AIM2: variants seen among roughly 807,000 people sequenced by gnomAD.
AIM2 encodes the protein absent in melanoma 2, also known as interferon-inducible protein AIM2.
Under a neutral mutation model 27.7 loss-of-function variants are expected in AIM2, and 30 were observed. The ratio of observed to expected loss-of-function variants is 1.08; its 90% CI spans 0.81 to 1.47. The LOEUF is 1.47. AIM2 is among the 40% of genes most tolerant of loss of function. The probability of loss-of-function intolerance (pLI) is 0.00; values close to 1 mark genes in which losing one functional copy is unlikely to be tolerated. For missense variants in AIM2, 358 were observed against 411.3 expected, an observed-to-expected ratio of 0.87 and a Z score of 1.12; for synonymous variants, 141 against 145.3, an observed-to-expected ratio of 0.97 and a Z score of 0.21.
At chr1:159,124,681 C>A (rs537839437) in intron 1 of AIM2, among the ~76,000 whole-genome samples, 1 of 152,224 alleles carries the variant, frequency 6.6e-6, no homozygotes, top group South Asian at 2.1e-4. Context: ...TTGAGAGTAA[C>A]GTATTTTTGT....
At chr1:159,089,181 T>C (rs1656990610) in intron 1 of AIM2, among the ~76,000 whole-genome samples, 1 of 152,236 alleles carries the variant, frequency 6.6e-6, no homozygotes, top group South Asian at 2.1e-4. Flanking sequence ...CTGACCTAGG[T>C]GCTTATAAGC....
At chr1:159,057,417 C>T in the AIM2 span, among the ~76,000 whole-genome samples, 4 of 152,204 alleles carry the variant, frequency 2.6e-5, no homozygotes, top group African/African-American at 9.7e-5. Flanking sequence ...CTGGTGGCTA[C>T]AGTTAATGCT....
At chr1:159,059,228 T>A (rs1290285152), downstream of AIM2, among the ~76,000 whole-genome samples, 1 of 152,176 alleles carries the variant, frequency 6.6e-6, no homozygotes, top group Non-Finnish European at 1.5e-5. Context: ...TTTTTATATT[T>A]TTTTGCCCAA....
At chr1:159,124,945 T>G (rs552238560) in intron 1 of AIM2, among the ~76,000 whole-genome samples, 1 of 152,354 alleles carries the variant, frequency 6.6e-6, no homozygotes, top group South Asian at 2.1e-4. Context: ...TTTATTATTT[T>G]TCCCACCTTC....
At chr1:159,084,790 C>CACACACACAG (rs1273511238) in intron 1 of AIM2, among the ~76,000 whole-genome samples, 1 of 148,984 alleles carries the variant, frequency 6.7e-6, no homozygotes, top group Non-Finnish European at 1.5e-5. Flanking sequence ...CACACACACA[C>CACACACACAG]ACACACACAC....
chr1:159,144,813 A>G (rs1238261721), upstream of AIM2, among the ~76,000 whole-genome samples: 1 of 152,158 alleles, frequency 6.6e-6, no homozygotes, highest in Non-Finnish European at 1.5e-5. Context: ...CTTTGGTCCA[A>G]TTAAATCCTA....
chr1:159,104,697 CTTT>C (rs1318135644), intron 1 of AIM2, among the ~76,000 whole-genome samples: 1 of 152,138 alleles, frequency 6.6e-6, no homozygotes, highest in African/African-American at 2.4e-5. Flanking sequence ...TCGTTCGTCT[CTTT>C]TTACTTTTTT....
intron 1 of AIM2, among the ~76,000 whole-genome samples, chr1:159,137,860 C>T (rs569130016): frequency 1.2e-3 from 176 of 152,242 alleles, no homozygotes; most frequent in Non-Finnish European, 2.2e-3. Context: ...AAAACCAGGA[C>T]GCTGCTGGTG....
chr1:159,100,500 G>A (rs1301466825), intron 1 of AIM2, among the ~76,000 whole-genome samples: 1 of 152,152 alleles, frequency 6.6e-6, no homozygotes, highest in Non-Finnish European at 1.5e-5. Context: ...GTCAGTTGGA[G>A]AGAAATGATG....
the AIM2 span, among the ~76,000 whole-genome samples, chr1:159,055,586 G>A: frequency 3.3e-5 from 5 of 152,204 alleles, no homozygotes; most frequent in Non-Finnish European, 7.3e-5. Flanking sequence ...TCAAAACACC[G>A]ACTGCTCTTC....
In AIM2 at chr1:159,065,950, G is replaced by T. The variant is rs537140135; in HGVS notation, c.776C>A (p.Pro259His). The change falls in exon 4 of 6, where the codon CCC becomes CAC. Residue 259 changes from proline to histidine, a missense_variant. Coordinates refer to ENST00000368130, the MANE Select transcript of AIM2 (RefSeq NM_004833.3). ...TPKINTLQTQ[P>H]LGTIVNGLFV... ...CAAACCATTCACAATTGTTCCAAGG[G>T]GCTGAGTTTGAAGCGTGTTGATCTT... The T allele has an allele frequency of 1.9e-6, 3 of 1,613,826 alleles. No homozygotes were observed. In the Admixed American group the frequency reaches 5.0e-5, roughly 27 times the overall value.
chr1:159,068,566 A>C lies in AIM2; in HGVS notation c.396+2T>G, dbSNP rs1570940788. ...AAGACCACTCCACTCTCCTTATCCT[A>C]CCTTAACATGAGGAGAGACTTTTGG... On this transcript the variant is annotated splice_donor_variant, in intron 3 of 5. Coordinates refer to ENST00000368130, the MANE Select transcript of AIM2 (RefSeq NM_004833.3). LOFTEE classifies it high-confidence loss of function. 6.2e-7 allele frequency: 1 copy of C among 1,611,134 alleles called. No individual in the cohort carries two copies. The highest frequency in any genetic ancestry group is 8.5e-7 in the Non-Finnish European group (1 of 1,178,984).
At chr1:159,118,102 C>T (rs1337453361) in intron 1 of AIM2, among the ~76,000 whole-genome samples, 1 of 152,112 alleles carries the variant, frequency 6.6e-6, no homozygotes, top group Non-Finnish European at 1.5e-5. Flanking sequence ...TCTTGATATC[C>T]CCCAACATCC....
chr1:159,108,381 A>G (rs1355472500), intron 1 of AIM2, among the ~76,000 whole-genome samples: 1 of 152,188 alleles, frequency 6.6e-6, no homozygotes, highest in Non-Finnish European at 1.5e-5. Context: ...CTGGCTTACA[A>G]TGGACATACC....
At chr1:159,069,663 C>T (rs1656267234) in intron 2 of AIM2, among the ~76,000 whole-genome samples, 1 of 152,004 alleles carries the variant, frequency 6.6e-6, no homozygotes, top group South Asian at 2.1e-4. Context: ...CTGCCTCAGC[C>T]TCCTGAGTAG....
chr1:159,073,301 G>A lies in AIM2; in HGVS notation c.199C>T (p.Arg67Cys), dbSNP rs770998267. The A allele has an allele frequency of 8.7e-6, 14 of 1,614,018 alleles. No homozygotes were observed. The highest frequency in any genetic ancestry group is 6.6e-5 in the South Asian group (6 of 91,086). The change falls in exon 2 of 6, where the codon CGT becomes TGT. Residue 67 changes from arginine to cysteine, a missense_variant. Transcript: ENST00000368130. ...GAVSAVMKTI[R>C]IFQKLNYMLL... ...ATATAATTCAACTTCTGAAAAATAC[G>A]AATGGTCTTCATCACTGCAGACACC...
chr1:159,081,335 A>G (rs1656770438), upstream of AIM2: 1 of 256,874 alleles, frequency 3.9e-6, no homozygotes, highest in African/African-American at 2.3e-5. Flanking sequence ...TCTGATTACA[A>G]TGAAATGCTT....
chr1:159,063,723 G>T, intron 4 of AIM2, 49 bp from the exon 5 acceptor site: 1 of 1,553,614 alleles, frequency 6.4e-7, no homozygotes, highest in African/African-American at 1.4e-5. Context: ...ATTAATGAAT[G>T]CCGCATCAGT....
chr1:159,073,549 C>T, intron 1 of AIM2, 30 bp from the exon 2 acceptor site: 2 of 1,567,540 alleles, frequency 1.3e-6, no homozygotes, highest in South Asian at 1.1e-5. Flanking sequence ...TGTAAGATTA[C>T]ACCACCAAAA....
Sources: gnomAD v4.1 joint callset for allele counts (sites outside exome capture counted in the v4.1 genomes callset) on GRCh38, gnomAD v4.1.1 for gene constraint, MANE v1.5 for transcripts, NCBI Gene and HGNC (gene_info 2026-07-23, HGNC 2026-07-21) for gene names.